Variants in MB21D2 observed in about 807,000 individuals in gnomAD.
The protein encoded by MB21D2 is nucleotidyltransferase MB21D2.
MB21D2 carries 9 observed loss-of-function variants against 33.3 expected under a neutral mutation model. That is an observed-to-expected ratio of 0.27 (90% CI 0.16 to 0.47). MB21D2 has a LOEUF of 0.47. Among genes scored for constraint, MB21D2 ranks in the 20% least tolerant of loss-of-function variants. The pLI is 0.99. For synonymous variants in MB21D2, 241 were observed against 236.3 expected (o/e 1.02, Z -0.18); for missense variants, 540 against 624.6 (o/e 0.86, Z 1.44).
chr3:192,886,654 A>T (rs1293653330), intron 1 of MB21D2, among the ~76,000 whole-genome samples: 1 of 152,128 alleles, frequency 6.6e-6, no homozygotes, highest in Non-Finnish European at 1.5e-5. Flanking sequence ...ATTCATAAGC[A>T]ATTTATACTA....
chr3:192,803,979 C>G (rs1711609417), intron 1 of MB21D2, among the ~76,000 whole-genome samples: 1 of 152,168 alleles, frequency 6.6e-6, no homozygotes, highest in African/African-American at 2.4e-5. Context: ...CTGGCATATG[C>G]TTGTTCTTAA....
chr3:192,878,825 G>T (rs747668692), intron 1 of MB21D2, among the ~76,000 whole-genome samples: 1 of 152,182 alleles, frequency 6.6e-6, no homozygotes, highest in African/African-American at 2.4e-5. Flanking sequence ...TTAGCTGGAC[G>T]TGGTGGTGCA....
At chr3:192,900,128 C>T (rs1373069388) in intron 1 of MB21D2, among the ~76,000 whole-genome samples, 1 of 151,432 alleles carries the variant, frequency 6.6e-6, no homozygotes, top group Non-Finnish European at 1.5e-5. Flanking sequence ...ACTAAAAATA[C>T]AAAAAATTAG....
intron 1 of MB21D2, among the ~76,000 whole-genome samples, chr3:192,858,490 C>T (rs1712968156): frequency 6.6e-6 from 1 of 152,194 alleles, no homozygotes; most frequent in South Asian, 2.1e-4. Flanking sequence ...CAAATGTGAA[C>T]GGACCATGCA....
In MB21D2 at chr3:192,916,751, A is replaced by G. The variant is rs113653415; in HGVS notation, c.211+879T>C. On this transcript the variant is annotated intron_variant, in intron 1 of 1. Coordinates refer to ENST00000392452, the MANE Select transcript of MB21D2 (RefSeq NM_178496.4). ...ATTATGTTCCTTTACACAGCATTCAATCATGTTTCAGGAGCCGTAGGTGAG... is the reference window on the plus strand; with the variant it reads ...ATTATGTTCCTTTACACAGCATTCAGTCATGTTTCAGGAGCCGTAGGTGAG... 3.3e-3 allele frequency among the ~76,000 whole-genome samples: 500 copies of G among 152,236 alleles called. 2 individuals are homozygous for G. The highest frequency in any genetic ancestry group is 0.011 in the African/African-American group (477 of 41,530).
rs949563918 is a variant in MB21D2, at chr3:192,798,986, G to A, written c.876C>T (p.Ala292=). 1 of 1,614,054 alleles carries A rather than the reference G, an allele frequency of 6.2e-7. No individual in the cohort carries two copies. Among genetic ancestry groups the A allele is most frequent in the South Asian group, 1.1e-5 (1 of 91,068 alleles). The change falls in exon 2 of 2, where the codon GCC becomes GCT. Residue 292 remains alanine (A), a synonymous_variant. Coordinates refer to ENST00000392452, the MANE Select transcript of MB21D2 (RefSeq NM_178496.4). This position sits in a 1 kb window ranked among gnomAD's most constrained non-coding sequence, Gnocchi z 4.8. Reference sequence around the variant, plus strand: ...ACTTCTTCAACTGCACCTCGCTCCTGGCAAAGGACAGCCGCCATTCATTGT... The same window carrying A: ...ACTTCTTCAACTGCACCTCGCTCCTAGCAAAGGACAGCCGCCATTCATTGT... ...KKDNEWRLSF[A]RSEVQLKKCI...
At chr3:192,833,126 G>A (rs1386112051) in intron 1 of MB21D2, among the ~76,000 whole-genome samples, 1 of 148,102 alleles carries the variant, frequency 6.8e-6, no homozygotes, top group Non-Finnish European at 1.5e-5. Context: ...ATCACATTCA[G>A]ACTAAACAAC....
At position 192,798,250 on chromosome 3, in the gene MB21D2, G is replaced by A; in HGVS notation, c.*136C>T. On this transcript the variant is annotated 3_prime_UTR_variant, in exon 2 of 2. Transcript: ENST00000392452. This position sits in a 1 kb window ranked among gnomAD's most constrained non-coding sequence, Gnocchi z 4.8. ...GTTTCAGAGCCTGCACCATCCTGCA[G>A]AACCAGGAAACTTAAAATTTGTTCT... 1 of 932,450 alleles carries A rather than the reference G, an allele frequency of 1.1e-6. No individual in the cohort carries two copies. The highest frequency in any genetic ancestry group is 2.6e-5 in the Admixed American group (1 of 38,244). The allele number at this position is 932,450 out of a possible 1,614,324, so 57.8% of individuals were successfully genotyped here.
At chr3:192,874,968 A>T (rs1463880) in intron 1 of MB21D2, among the ~76,000 whole-genome samples, 92,245 of 151,166 alleles carry the variant, frequency 0.61, 30,009 homozygotes, top group African/African-American at 0.84. Flanking sequence ...CGCACCATCT[A>T]GGTGGTTTCC....
At chr3:192,811,750 T>C (rs936222524) in intron 1 of MB21D2, among the ~76,000 whole-genome samples, 4 of 152,132 alleles carry the variant, frequency 2.6e-5, no homozygotes, top group African/African-American at 9.7e-5. Flanking sequence ...ATTTCTTTCT[T>C]AAATTCCAAA....
Position 192,799,030 on chromosome 3 carries a change from A to G in MB21D2, c.832T>C (p.Ser278Pro). ...TCATTGTCCTTCTTACCCTTGTAGG[A>G]GCAAGCAGGCACCAAGTAAAACCCA... ...ISGFYLVPACSYKGKKDNEWR... is the reference protein window; with the variant it reads ...ISGFYLVPACPYKGKKDNEWR... The change falls in exon 2 of 2, where the codon TCC becomes CCC. Residue 278 changes from serine (S) to proline (P), a missense_variant. Physicochemically the swap from Ser to Pro is moderately conservative, Grantham distance 74. Transcript: ENST00000392452. The surrounding 1 kb of genome is among the most constrained non-coding windows in gnomAD (Gnocchi z 4.1). 6.2e-7 allele frequency: 1 copy of G among 1,614,086 alleles called. No homozygotes were observed. Among genetic ancestry groups the G allele is most frequent in the South Asian group, 1.1e-5 (1 of 91,070 alleles).
chr3:192,798,264 A>T lies in MB21D2; in HGVS notation c.*122T>A. ...ACCATCCTGCAGAACCAGGAAACTT[A>T]AAATTTGTTCTTAACAAATCCAATC... On this transcript the variant is annotated 3_prime_UTR_variant, in exon 2 of 2. Transcript: ENST00000392452. The surrounding 1 kb of genome is among the most constrained non-coding windows in gnomAD (Gnocchi z 4.8). 8.9e-7 allele frequency: 1 copy of T among 1,126,958 alleles called. No homozygotes were observed. Among genetic ancestry groups the T allele is most frequent in the Non-Finnish European group, 1.3e-6 (1 of 798,758 alleles). The allele number at this position is 1,126,958 out of a possible 1,614,324, so 69.8% of individuals were successfully genotyped here.
At chr3:192,844,292 G>A (rs1712634632) in intron 1 of MB21D2, among the ~76,000 whole-genome samples, 1 of 152,194 alleles carries the variant, frequency 6.6e-6, no homozygotes, top group Admixed American at 6.5e-5. Context: ...GAGGCAAGGA[G>A]TGTAGACAGC....
intron 1 of MB21D2, among the ~76,000 whole-genome samples, chr3:192,848,598 G>A (rs1046129236): frequency 6.6e-6 from 1 of 152,174 alleles, no homozygotes; most frequent in African/African-American, 2.4e-5. Context: ...CAGACTAACA[G>A]TATACTACTG....
chr3:192,812,604 C>T (rs928188740), intron 1 of MB21D2, among the ~76,000 whole-genome samples: 3 of 152,154 alleles, frequency 2.0e-5, no homozygotes, highest in Admixed American at 6.5e-5. Flanking sequence ...TCTATATCTG[C>T]AAGCAAGGGA....
intron 1 of MB21D2, among the ~76,000 whole-genome samples, chr3:192,844,192 C>T (rs1436359392): frequency 2.0e-5 from 3 of 152,338 alleles, no homozygotes; most frequent in East Asian, 1.9e-4. Flanking sequence ...CTCTCACTTA[C>T]GTTGTCCTTC....
intron 1 of MB21D2, among the ~76,000 whole-genome samples, chr3:192,811,482 G>A (rs1179774563): frequency 1.3e-5 from 2 of 151,980 alleles, no homozygotes; most frequent in Admixed American, 1.3e-4. Flanking sequence ...TACTGGTAAG[G>A]GATTACTTGC....
In MB21D2 at chr3:192,844,859, C is replaced by G. The variant is rs190228708; in HGVS notation, c.212-45209G>C. Reference sequence around the variant, plus strand: ...GAAACCTGAATAAGCCAAGAGCCCCCCTTTGATGTGTAGGAGAAAGTCTGT... The same window carrying G: ...GAAACCTGAATAAGCCAAGAGCCCCGCTTTGATGTGTAGGAGAAAGTCTGT... On this transcript the variant is annotated intron_variant, in intron 1 of 1. Transcript: ENST00000392452. Among the ~76,000 whole-genome samples, 52 of 152,316 alleles carry G rather than the reference C, an allele frequency of 3.4e-4. No individual in the cohort carries two copies. The East Asian group carries it at 8.3e-3, about 24-fold the overall frequency.
At chr3:192,824,001 G>C (rs930320651) in intron 1 of MB21D2, among the ~76,000 whole-genome samples, 1 of 152,136 alleles carries the variant, frequency 6.6e-6, no homozygotes, top group Admixed American at 6.5e-5. Flanking sequence ...ACCTCAGTGA[G>C]TACAAAAGAC....
Sources: allele counts gnomAD v4.1 joint callset (sites outside exome capture counted in the v4.1 genomes callset), GRCh38; gene constraint gnomAD v4.1.1; non-coding constraint Gnocchi (gnomAD v3.1); transcripts MANE v1.5; gene names NCBI Gene and HGNC (gene_info 2026-07-23, HGNC 2026-07-21).